The following PTPRJ variants were observed in gnomAD, a reference collection of about 807,000 sequenced individuals.
PTPRJ encodes protein tyrosine phosphatase receptor type J, also known as receptor-type tyrosine-protein phosphatase eta.
Under a neutral mutation model 141.3 loss-of-function variants are expected in PTPRJ, and 129 were observed. That is an observed-to-expected ratio of 0.91 (90% confidence interval 0.79 to 1.06). The LOEUF (loss-of-function observed/expected upper bound fraction) is 1.06, where lower values mean the gene tolerates loss of function less well. PTPRJ is among the 50% of genes least tolerant of loss of function. The pLI, the probability that PTPRJ is intolerant of heterozygous loss-of-function variation, is 0.00. For missense variants in PTPRJ, 1,601 were observed against 1,679.7 expected (o/e 0.95, Z 0.82); for synonymous variants, 610 against 640.5 (o/e 0.95, Z 0.72).
At chr11:48,043,515 G>A (rs1854317962) in intron 1 of PTPRJ, among the ~76,000 whole-genome samples, 1 of 152,172 alleles carries the variant, frequency 6.6e-6, no homozygotes, top group African/African-American at 2.4e-5. Context: ...GGAAAGCAGT[G>A]GTTTTTTGTC....
intron 6 of PTPRJ, among the ~76,000 whole-genome samples, chr11:48,125,589 C>T (rs61240407): frequency 0.021 from 3,141 of 152,330 alleles, 106 homozygotes; most frequent in African/African-American, 0.071. Context: ...CCTTGTAATT[C>T]ATACCGATCT....
chr11:48,089,468 A>G (rs559091390), intron 1 of PTPRJ, among the ~76,000 whole-genome samples: 4 of 147,226 alleles, frequency 2.7e-5, no homozygotes, highest in Non-Finnish European at 5.9e-5. Flanking sequence ...GTGAGCCGAT[A>G]TTGTGCCACT....
At position 48,001,349 on chromosome 11, in the gene PTPRJ, AGTGTGTGTGTGTGTGT is replaced by A. The variant is rs57503257; in HGVS notation, c.96+20370_96+20385del. ...TTACCTTTTGCAGTGACAGCCCCAAAGTGTGTGTGTGTGTGTGTGTGTGTGTGTGTGTGTGTGTGTG... is the reference window on the plus strand; with the variant it reads ...TTACCTTTTGCAGTGACAGCCCCAAAGTGTGTGTGTGTGTGTGTGTGTGTG... On this transcript the variant is annotated intron_variant, in intron 1 of 24. Coordinates refer to ENST00000418331, the MANE Select transcript of PTPRJ (RefSeq NM_002843.4). Among the ~76,000 whole-genome samples, 263 of 134,782 alleles carry A rather than the reference AGTGTGTGTGTGTGTGT, an allele frequency of 2.0e-3. 2 individuals are homozygous for A. The highest frequency in any genetic ancestry group is 2.5e-3 in the Admixed American group (33 of 13,052). The allele number at this position is 134,782 out of a possible 152,430, so 88.4% of individuals were successfully genotyped here.
chr11:47,980,969 G>C lies in PTPRJ; in HGVS notation c.57G>C (p.Trp19Cys). The part of the protein sequence containing the change: ...RLPPRSPGLR[W>C]ALPLLLLLLR... ...CTCCGCGCTCGCCCGGGCTGCGCTG[G>C]GCGCTGCCGCTGCTGCTGCTGCTGC... Residue 19 changes from tryptophan to cysteine, a missense_variant, in exon 1 of 25, where the codon TGG (tryptophan) becomes TGC (cysteine). By Grantham distance (215) the Trp-to-Cys change is radical (BLOSUM62 -2). Transcript: ENST00000418331. 8.2e-7 allele frequency: 1 copy of C among 1,212,730 alleles called. No individual in the cohort carries two copies. The allele number at this position is 1,212,730 out of a possible 1,614,324, so 75.1% of individuals were successfully genotyped here. A position where few individuals can be genotyped will look rare whatever the true frequency, so the allele number is the denominator to read the frequency against.
At chr11:48,107,100 A>G (rs527665760) in intron 1 of PTPRJ, among the ~76,000 whole-genome samples, 1 of 152,130 alleles carries the variant, frequency 6.6e-6, no homozygotes, top group African/African-American at 2.4e-5. Flanking sequence ...TCTAGTGTTC[A>G]GAGTGGACCA....
At chr11:48,011,434 G>A (rs1321766597) in intron 1 of PTPRJ, among the ~76,000 whole-genome samples, 1 of 152,126 alleles carries the variant, frequency 6.6e-6, no homozygotes, top group African/African-American at 2.4e-5. Context: ...CCGATCAGGG[G>A]CTCAGAGTGT....
At chr11:47,982,528 G>A (rs1379533247) in intron 1 of PTPRJ, among the ~76,000 whole-genome samples, 1 of 152,034 alleles carries the variant, frequency 6.6e-6, no homozygotes, top group Non-Finnish European at 1.5e-5. Flanking sequence ...AGTGTCTGAA[G>A]TTAAAAAAGC....
At chr11:48,077,366 G>C (rs1330100790) in intron 1 of PTPRJ, among the ~76,000 whole-genome samples, 1 of 152,140 alleles carries the variant, frequency 6.6e-6, no homozygotes, top group African/African-American at 2.4e-5. Context: ...GTGGGTGTGG[G>C]CTGAAAGAGA....
rs142994255 is a variant in PTPRJ at position 48,139,706 on chromosome 11, C to A, written c.2373C>A (p.Ile791=). The change falls in exon 11 of 25, where the codon ATC becomes ATA. Residue 791 remains isoleucine, a synonymous_variant. Transcript: ENST00000418331. ...TYLNFSTSYN[I]SITTVSCGKM... ...TGAATTTTTCTACCTCGTACAACATCAGCATCACCACTGTGTCCTGTGGAA... is the reference window on the plus strand; with the variant it reads ...TGAATTTTTCTACCTCGTACAACATAAGCATCACCACTGTGTCCTGTGGAA... The A allele has an allele frequency of 3.1e-6, 5 of 1,614,066 alleles. No homozygotes were observed. The African/African-American group carries it at 4.0e-5, about 13-fold the overall frequency.
intron 1 of PTPRJ, among the ~76,000 whole-genome samples, chr11:48,085,756 C>G (rs112194380): frequency 3.3e-5 from 5 of 152,124 alleles, no homozygotes; most frequent in African/African-American, 1.2e-4. Flanking sequence ...AGACAGAGCC[C>G]TGTGGACTAT....
chr11:48,123,509 T>C (rs1371440464), intron 4 of PTPRJ, 104 bp from the exon 5 acceptor site: 1 of 1,247,706 alleles, frequency 8.0e-7, no homozygotes, highest in African/African-American at 1.5e-5. Context: ...CATTCTTTCT[T>C]TTTTTCTTTT....
chr11:47,992,577 T>TA, intron 1 of PTPRJ, among the ~76,000 whole-genome samples: 1 of 152,248 alleles, frequency 6.6e-6, no homozygotes, highest in East Asian at 1.9e-4. Flanking sequence ...CATATAAAGT[T>TA]ACTGTTTTTG....
chr11:48,046,906 A>ATATATATATTT, intron 1 of PTPRJ, among the ~76,000 whole-genome samples: 1 of 84,294 alleles, frequency 1.2e-5, no homozygotes, highest in Non-Finnish European at 2.1e-5. Flanking sequence ...ATATATATAT[A>ATATATATATTT]TATATATTTT....
chr11:48,150,966 G>A (rs771805008), intron 18 of PTPRJ, among the ~76,000 whole-genome samples: 2 of 152,164 alleles, frequency 1.3e-5, no homozygotes, highest in Admixed American at 6.5e-5. Flanking sequence ...TTCCCCTGTT[G>A]CTTGTTACCA....
At chr11:48,057,315 C>T (rs968314522) in intron 1 of PTPRJ, among the ~76,000 whole-genome samples, 5 of 152,108 alleles carry the variant, frequency 3.3e-5, no homozygotes, top group Non-Finnish European at 7.4e-5. Context: ...TTTTAAATGT[C>T]CTGAGGTGCT....
chr11:48,128,044 G>T lies in PTPRJ; in HGVS notation c.1357+1G>T. 1.2e-6 allele frequency: 2 copies of T among 1,610,458 alleles called. No individual in the cohort carries two copies. Among genetic ancestry groups the T allele is most frequent in the East Asian group, 2.2e-5 (1 of 44,746 alleles). On this transcript the variant is annotated splice_donor_variant, in intron 7 of 24. Transcript: ENST00000418331. LOFTEE classifies it high-confidence loss of function. The stretch of plus-strand genomic sequence containing the variant: ...CCGGGCTTCCTCCAAGTGCACACCC[G>T]TGAGTTCATGCCTGGCTCTCACCAC...
In PTPRJ at chr11:48,131,077, T is replaced by A. The variant is rs1258049044; in HGVS notation, c.1615+361T>A. Among the ~76,000 whole-genome samples the A allele has an allele frequency of 9.8e-3, 1,144 of 116,948 alleles. 5 individuals are homozygous for A. Among genetic ancestry groups the A allele is most frequent in the African/African-American group, 0.036 (1,056 of 29,286 alleles). The allele number at this position is 116,948 out of a possible 152,430, so 76.7% of individuals were successfully genotyped here. ...ATATATATATATATATATATTTTTTTTTTTTTTTTTTTTTTTTTTTGAGAC... is the reference window on the plus strand; with the variant it reads ...ATATATATATATATATATATTTTTTATTTTTTTTTTTTTTTTTTTTGAGAC... On this transcript the variant is annotated intron_variant, in intron 8 of 24. Transcript: ENST00000418331.
chr11:48,110,123 C>T lies in PTPRJ; in HGVS notation c.115+47C>T, dbSNP rs779157257. The T allele has an allele frequency of 7.6e-6, 12 of 1,576,598 alleles. No individual in the cohort carries two copies. The Admixed American group carries it at 1.7e-4, about 22-fold the overall frequency. ...ATTCTTGTGTTGTTCGCTACTGCCC[C>T]CTAATGGACACACAGCAACATTAAC... On this transcript the variant is annotated intron_variant, in intron 2 of 24. Transcript: ENST00000418331.
chr11:48,061,332 C>G (rs1337247710), intron 1 of PTPRJ, among the ~76,000 whole-genome samples: 3 of 152,152 alleles, frequency 2.0e-5, no homozygotes, highest in Non-Finnish European at 2.9e-5. Context: ...ATAGGAGTGG[C>G]CACCTGACCC....
Sources: gnomAD v4.1 joint callset for allele counts (sites outside exome capture counted in the v4.1 genomes callset) on GRCh38, gnomAD v4.1.1 for gene constraint, MANE v1.5 for transcripts, NCBI Gene and HGNC (gene_info 2026-07-23, HGNC 2026-07-21) for gene names.